Variants in SLC6A20 observed in about 807,000 individuals in gnomAD.
SLC6A20 encodes the protein solute carrier family 6 member 20.
In SLC6A20, 73 loss-of-function variants were observed where a neutral mutation model predicts 64.3. The observed-to-expected ratio is 1.14, with a 90% CI of 0.94 to 1.38. The LOEUF is 1.38. SLC6A20 is among the 40% of genes most tolerant of loss of function. SLC6A20 has a pLI of 0.00. For missense variants in SLC6A20, 725 were observed against 772.8 expected (o/e 0.94, Z 0.73); for synonymous variants, 347 against 329.6 (o/e 1.05, Z -0.57).
chr3:45,789,896 T>TGA (rs1377215714), intron 1 of SLC6A20, among the ~76,000 whole-genome samples: 1 of 152,192 alleles, frequency 6.6e-6, no homozygotes, highest in African/African-American at 2.4e-5. Context: ...CCGGCCCTTT[T>TGA]ACACAATTTC....
chr3:45,770,104 T>C, intron 7 of SLC6A20, 105 bp downstream of exon 7: 1 of 1,445,024 alleles, frequency 6.9e-7, no homozygotes, highest in Non-Finnish European at 9.5e-7. Flanking sequence ...TCAGGATCCT[T>C]CTTTATTTTT....
At chr3:45,779,143 G>C (rs1187818738) in intron 3 of SLC6A20, among the ~76,000 whole-genome samples, 1 of 152,228 alleles carries the variant, frequency 6.6e-6, no homozygotes, top group African/African-American at 2.4e-5. Flanking sequence ...CCTGGCTCAG[G>C]GGCAAAGGGT....
Position 45,796,521 on chromosome 3 carries a change from G to GT in SLC6A20, c.-103dup, listed in dbSNP as rs1700353204. The GT allele has an allele frequency of 2.4e-6, 3 of 1,237,276 alleles. No homozygotes were observed. Among genetic ancestry groups the GT allele is most frequent in the Non-Finnish European group, 3.2e-6 (3 of 950,494 alleles). 76.6% of individuals were successfully genotyped at this position (1,237,276 alleles called of 1,614,324 possible). A position where few individuals can be genotyped will look rare whatever the true frequency, so the allele number is the denominator to read the frequency against. ...CGTCCCACCCCGGCTCGGCTTGGGG[G>GT]TGGCCCCGCGCCTCCGCCGCCGACG... On this transcript the variant is annotated 5_prime_UTR_variant, in exon 1 of 11. Coordinates refer to ENST00000358525, the MANE Select transcript of SLC6A20 (RefSeq NM_020208.4).
intron 4 of SLC6A20, 89 bp from the exon 5 acceptor site, chr3:45,772,704 AT>A: frequency 9.6e-7 from 1 of 1,045,676 alleles, no homozygotes; most frequent in East Asian, 2.6e-5. Context: ...CATCTGGGGT[AT>A]TCAGGCTGCA....
At position 45,757,428 on chromosome 3, in the gene SLC6A20, C is replaced by G. The variant is rs1172857392; in HGVS notation, c.*1550G>C. The stretch of plus-strand genomic sequence containing the variant: ...CTTTCTTGGGCAGAGGTCCCTGCAG[C>G]TTTCTGCTGTGCATTGTGTCCCTGG... On this transcript the variant is annotated 3_prime_UTR_variant, in exon 11 of 11. Transcript: ENST00000358525. 2 of 152,280 alleles carry G rather than the reference C, an allele frequency of 1.3e-5. No individual in the cohort carries two copies. The highest frequency in any genetic ancestry group is 4.8e-5 in the African/African-American group (2 of 41,454). 9.4% of individuals were successfully genotyped at this position (152,280 alleles called of 1,614,324 possible). A position where few individuals can be genotyped will look rare whatever the true frequency, so the allele number is the denominator to read the frequency against.
At chr3:45,759,742 T>C (rs1699630257) in intron 10 of SLC6A20, 115 bp downstream of exon 10, 2 of 1,312,494 alleles carry the variant, frequency 1.5e-6, no homozygotes, top group Non-Finnish European at 1.0e-6. Context: ...TTCCATGTCG[T>C]GACAAATAAC....
At chr3:45,762,639 C>G (rs1436355039) in intron 9 of SLC6A20, among the ~76,000 whole-genome samples, 1 of 152,226 alleles carries the variant, frequency 6.6e-6, no homozygotes, top group Non-Finnish European at 1.5e-5. Context: ...CCCCAGTAAG[C>G]TGTGGGGGTC....
At chr3:45,792,751 T>C (rs1700276746) in intron 1 of SLC6A20, among the ~76,000 whole-genome samples, 1 of 152,136 alleles carries the variant, frequency 6.6e-6, no homozygotes, top group South Asian at 2.1e-4. Flanking sequence ...TCCGGCACAA[T>C]ACGTTGGCAG....
At chr3:45,760,079 G>T in intron 9 of SLC6A20, 57 bp from the exon 10 acceptor site, 2 of 1,548,768 alleles carry the variant, frequency 1.3e-6, no homozygotes, top group African/African-American at 1.4e-5. Context: ...AGGTCAGGGC[G>T]TCCAGCTTGC....
intron 4 of SLC6A20, among the ~76,000 whole-genome samples, chr3:45,775,026 G>A (rs1699940374): frequency 6.6e-6 from 1 of 152,170 alleles, no homozygotes; most frequent in African/African-American, 2.4e-5. Context: ...TAGGCTCCGA[G>A]ACATCTGCTG....
intron 10 of SLC6A20, among the ~76,000 whole-genome samples, chr3:45,759,488 C>G (rs1055193865): frequency 6.6e-6 from 1 of 152,258 alleles, no homozygotes; most frequent in Non-Finnish European, 1.5e-5. Context: ...TGGAATGGGA[C>G]TTTCCCGTGA....
intron 9 of SLC6A20, among the ~76,000 whole-genome samples, chr3:45,761,899 G>A (rs1336547505): frequency 6.6e-6 from 1 of 152,170 alleles, no homozygotes; most frequent in African/African-American, 2.4e-5. Context: ...CGGGACCCTG[G>A]CCTTTCCGGG....
At chr3:45,786,328 AG>A (rs1273985691) in intron 1 of SLC6A20, among the ~76,000 whole-genome samples, 4 of 152,186 alleles carry the variant, frequency 2.6e-5, no homozygotes, top group African/African-American at 7.2e-5. Context: ...CAAGCCCACA[AG>A]GCCTCTAGCT....
intron 7 of SLC6A20, among the ~76,000 whole-genome samples, chr3:45,767,630 T>C (rs1040677325): frequency 2.0e-5 from 3 of 152,148 alleles, no homozygotes; most frequent in Non-Finnish European, 4.4e-5. Flanking sequence ...ACAACGATTA[T>C]GAGATAATAG....
At chr3:45,791,130 T>A (rs868030387) in intron 1 of SLC6A20, among the ~76,000 whole-genome samples, 2 of 152,226 alleles carry the variant, frequency 1.3e-5, no homozygotes, top group Non-Finnish European at 2.9e-5. Context: ...TTTTCCTGCT[T>A]GGTCCACCCC....
Position 45,796,322 on chromosome 3 carries a change from T to C in SLC6A20, c.98A>G (p.Tyr33Cys), listed in dbSNP as rs779971114. ...ACCTCCGCCGTACATCTGGCACAGG[T>C]ACGGGAATCGCCACACGTTGCCCAG... ...VGLGNVWRFP[Y>C]LCQMYGGGSF... Residue 33 changes from tyrosine to cysteine, a missense_variant, in exon 1 of 11, where the codon TAC (tyrosine) becomes TGC (cysteine). Coordinates refer to ENST00000358525, the MANE Select transcript of SLC6A20 (RefSeq NM_020208.4). The C allele has an allele frequency of 2.5e-6, 4 of 1,611,312 alleles. No individual in the cohort carries two copies. The highest frequency in any genetic ancestry group is 3.4e-6 in the Non-Finnish European group (4 of 1,179,060).
intron 5 of SLC6A20, 63 bp from the exon 6 acceptor site, chr3:45,771,521 C>T (rs1699867389): frequency 1.9e-6 from 3 of 1,601,662 alleles, no homozygotes; most frequent in African/African-American, 1.3e-5. Flanking sequence ...CTCAGACCCG[C>T]AACAGGAGAG....
At chr3:45,777,906 T>C (rs960448534) in intron 3 of SLC6A20, among the ~76,000 whole-genome samples, 3 of 152,200 alleles carry the variant, frequency 2.0e-5, no homozygotes, top group African/African-American at 4.8e-5. Context: ...CCAGTGACTC[T>C]GATTTCATCT....
At chr3:45,780,157 A>G in intron 2 of SLC6A20, 57 bp from the exon 3 acceptor site, 1 of 1,518,466 alleles carries the variant, frequency 6.6e-7, no homozygotes, top group Non-Finnish European at 8.9e-7. Flanking sequence ...CCCCTCCGCC[A>G]GGCCCAGCGT....
Sources: allele counts gnomAD v4.1 joint callset (sites outside exome capture counted in the v4.1 genomes callset), GRCh38; gene constraint gnomAD v4.1.1; transcripts MANE v1.5; gene names NCBI Gene and HGNC (gene_info 2026-07-23, HGNC 2026-07-21).